The following PRRC2B variants were observed in gnomAD, a reference collection of about 807,000 sequenced individuals.
PRRC2B encodes the protein proline rich coiled-coil 2B, also known as protein PRRC2B.
Under a neutral mutation model 242.3 loss-of-function variants are expected in PRRC2B, and 68 were observed. The ratio of observed to expected loss-of-function variants is 0.28; its 90% CI spans 0.23 to 0.34. The LOEUF (loss-of-function observed/expected upper bound fraction) is 0.34. PRRC2B is among the 10% of genes least tolerant of loss of function. PRRC2B has a pLI of 1.00. For missense variants in PRRC2B, 2,835 were observed against 2,954.8 expected (o/e 0.96, Z 0.94); for synonymous variants, 1,228 against 1,173.6 (o/e 1.05, Z -0.95).
intron 1 of PRRC2B, among the ~76,000 whole-genome samples, chr9:131,375,988 G>A (rs1271997782): frequency 6.8e-6 from 1 of 146,716 alleles, no homozygotes; most frequent in Non-Finnish European, 1.5e-5. Context: ...GGCGGAGGTT[G>A]CGGTGAGCTG....
intron 1 of PRRC2B, among the ~76,000 whole-genome samples, chr9:131,374,645 C>T (rs1836660776): frequency 6.6e-6 from 1 of 152,078 alleles, no homozygotes; most frequent in African/African-American, 2.4e-5. Context: ...CCTGCCTCAG[C>T]CTCCTGAGTA....
intron 11 of PRRC2B, among the ~76,000 whole-genome samples, chr9:131,462,836 T>TA (rs553444971): frequency 0.012 from 1,022 of 81,924 alleles, 35 homozygotes; most frequent in African/African-American, 0.044. Context: ...AGACTCCGTC[T>TA]AAAAAAAAAA....
chr9:131,448,570 A>AAAAAAAAAAAAAAAAAAAAG (rs1838902755), intron 9 of PRRC2B, among the ~76,000 whole-genome samples: 2 of 140,434 alleles, frequency 1.4e-5, no homozygotes, highest in African/African-American at 5.3e-5. Flanking sequence ...AAAAAAAAAA[A>AAAAAAAAAAAAAAAAAAAAG]GGAAAGAGAA....
Position 131,475,158 on chromosome 9 carries a change from A to G in PRRC2B, c.3029A>G (p.His1010Arg). 8.7e-6 allele frequency: 14 copies of G among 1,613,300 alleles called. No homozygotes were observed. Among genetic ancestry groups the G allele is most frequent in the Non-Finnish European group, 1.2e-5 (14 of 1,179,648 alleles). Residue 1010 changes from histidine (H) to arginine (R), a missense_variant, in exon 16 of 32, where the codon CAT becomes CGT. Physicochemically the swap from His to Arg is conservative, Grantham distance 29. Coordinates refer to ENST00000683519, the MANE Select transcript of PRRC2B (RefSeq NM_013318.4). ...TTTLEDKGPG[H>R]ATFGREATKF... is the part of the protein sequence containing the mutation. ...ACTTTGGAGGACAAAGGCCCTGGCCATGCCACTTTTGGCCGCGAGGCCACC... is the reference window on the plus strand; with the variant it reads ...ACTTTGGAGGACAAAGGCCCTGGCCGTGCCACTTTTGGCCGCGAGGCCACC...
intron 1 of PRRC2B, among the ~76,000 whole-genome samples, chr9:131,416,334 C>T: frequency 6.6e-6 from 1 of 152,080 alleles, no homozygotes. Context: ...GTCTCGAACC[C>T]CTGACCTCAT....
chr9:131,416,806 G>C (rs966985734), intron 1 of PRRC2B, among the ~76,000 whole-genome samples: 1 of 152,048 alleles, frequency 6.6e-6, no homozygotes, highest in African/African-American at 2.4e-5. Flanking sequence ...CTGAGGTTAT[G>C]GGGTTTGGGC....
chr9:131,395,492 C>T (rs1837024861), intron 1 of PRRC2B, among the ~76,000 whole-genome samples: 1 of 152,172 alleles, frequency 6.6e-6, no homozygotes, highest in African/African-American at 2.4e-5. Flanking sequence ...AACCTAGTGA[C>T]TCTGGGGCTG....
intron 1 of PRRC2B, among the ~76,000 whole-genome samples, chr9:131,429,700 T>A (rs1203902900): frequency 6.6e-6 from 1 of 152,220 alleles, no homozygotes; most frequent in African/African-American, 2.4e-5. Flanking sequence ...TTCAGTGTTA[T>A]ACATGGATGT....
intron 2 of PRRC2B, among the ~76,000 whole-genome samples, chr9:131,431,173 C>T (rs933561762): frequency 6.6e-6 from 1 of 151,962 alleles, no homozygotes; most frequent in African/African-American, 2.4e-5. Flanking sequence ...CTCTGTCATG[C>T]AGGGTGGAGT....
intron 9 of PRRC2B, among the ~76,000 whole-genome samples, chr9:131,451,401 A>T (rs1464462332): frequency 1.3e-5 from 2 of 152,104 alleles, no homozygotes; most frequent in Non-Finnish European, 2.9e-5. Flanking sequence ...TCCATCTCAA[A>T]AAAAAAAGAA....
At chr9:131,405,267 G>A (rs1837332160) in intron 1 of PRRC2B, among the ~76,000 whole-genome samples, 1 of 152,190 alleles carries the variant, frequency 6.6e-6, no homozygotes, top group African/African-American at 2.4e-5. Flanking sequence ...GAGCTGGAAG[G>A]AGGCGATAGA....
intron 1 of PRRC2B, among the ~76,000 whole-genome samples, chr9:131,406,383 CTGTT>C (rs1270856293): frequency 2.0e-5 from 3 of 152,100 alleles, no homozygotes; most frequent in Admixed American, 1.3e-4. Context: ...TGTGTCTAGT[CTGTT>C]GTGTTGTGTT....
chr9:131,409,866 C>T (rs1310992434), intron 1 of PRRC2B, among the ~76,000 whole-genome samples: 3 of 152,234 alleles, frequency 2.0e-5, no homozygotes, highest in Non-Finnish European at 4.4e-5. Context: ...TCCGATTTCT[C>T]TTCTCTACTA....
At position 131,476,907 on chromosome 9, in the gene PRRC2B, A is replaced by G. The variant is rs192644767; in HGVS notation, c.4406+372A>G. Among the ~76,000 whole-genome samples the G allele has an allele frequency of 2.0e-3, 300 of 152,294 alleles. 2 individuals are homozygous for G. Among genetic ancestry groups the G allele is most frequent in the African/African-American group, 6.9e-3 (286 of 41,568 alleles). ...AGTCCTCTGCTCCGGAGTTGCTGCC[A>G]GGCGGCGTCCTAGGGGGCATCGCTG... On this transcript the variant is annotated intron_variant, in intron 16 of 31. Coordinates refer to ENST00000683519, the MANE Select transcript of PRRC2B (RefSeq NM_013318.4).
chr9:131,422,032 T>A (rs184448882), intron 1 of PRRC2B, among the ~76,000 whole-genome samples: 1 of 152,210 alleles, frequency 6.6e-6, no homozygotes, highest in East Asian at 1.9e-4. Flanking sequence ...GCGTTACTTT[T>A]CTTTTCTTTC....
chr9:131,432,093 G>T (rs1011738588), intron 2 of PRRC2B, among the ~76,000 whole-genome samples: 3 of 152,136 alleles, frequency 2.0e-5, no homozygotes, highest in Non-Finnish European at 4.4e-5. Context: ...CACGCCTGGT[G>T]TGTTATCAGC....
intron 24 of PRRC2B, 23 bp from the exon 25 acceptor site, chr9:131,484,925 T>C: frequency 6.3e-7 from 1 of 1,594,858 alleles, no homozygotes; most frequent in Non-Finnish European, 8.6e-7. Flanking sequence ...TTTTCATCCC[T>C]CCCCCTCCCC....
At chr9:131,420,735 A>G (rs913598768) in intron 1 of PRRC2B, among the ~76,000 whole-genome samples, 2 of 151,470 alleles carry the variant, frequency 1.3e-5, no homozygotes, top group Non-Finnish European at 2.9e-5. Context: ...GGTGCACCTC[A>G]GCCTCCCAAA....
At chr9:131,427,265 T>A (rs1838001600) in intron 1 of PRRC2B, among the ~76,000 whole-genome samples, 1 of 152,178 alleles carries the variant, frequency 6.6e-6, no homozygotes. Context: ...TTGTCTCACT[T>A]TTTTTGGCCC....
Sources: allele counts gnomAD v4.1 joint callset (sites outside exome capture counted in the v4.1 genomes callset), GRCh38; gene constraint gnomAD v4.1.1; transcripts MANE v1.5; gene names NCBI Gene and HGNC (gene_info 2026-07-23, HGNC 2026-07-21).